CDH4: variants seen among roughly 807,000 people sequenced by gnomAD.
CDH4 encodes the protein cadherin-4.
A neutral mutation model predicts 86.0 loss-of-function variants in CDH4; 33 were observed. The ratio of observed to expected loss-of-function variants is 0.38; its 90% CI spans 0.29 to 0.51. CDH4 has a LOEUF of 0.51. Ranked by LOEUF, CDH4 falls within the 20% of genes least tolerant of loss-of-function variation. CDH4 has a pLI of 0.86. For synonymous variants in CDH4, 555 were observed against 549.4 expected, an observed-to-expected ratio of 1.01 and a Z score of -0.14; for missense variants, 1,114 against 1,307.4, an observed-to-expected ratio of 0.85 and a Z score of 2.28.
chr20:61,887,748 C>T (rs540263410), intron 7 of CDH4, among the ~76,000 whole-genome samples: 1 of 152,244 alleles, frequency 6.6e-6, no homozygotes, highest in Non-Finnish European at 1.5e-5. Flanking sequence ...ACATTCTTCT[C>T]CGCTTGGATC....
At chr20:61,654,637 G>A (rs191586526) in intron 2 of CDH4, among the ~76,000 whole-genome samples, 8 of 152,144 alleles carry the variant, frequency 5.3e-5, no homozygotes, top group Admixed American at 1.3e-4. Context: ...TCCGAGGTTC[G>A]TTTGGCATCA....
chr20:61,660,638 G>C (rs60763673), intron 2 of CDH4, among the ~76,000 whole-genome samples: 31,601 of 152,160 alleles, frequency 0.21, 4,325 homozygotes, highest in Non-Finnish European at 0.3. Context: ...CTGTGGGTTC[G>C]TGGATGTCAC....
intron 2 of CDH4, among the ~76,000 whole-genome samples, chr20:61,453,983 G>A (rs1458005552): frequency 1.3e-5 from 2 of 152,182 alleles, no homozygotes; most frequent in Non-Finnish European, 2.9e-5. Context: ...TTCCCCTTCT[G>A]CCATGGTTGT....
chr20:61,399,667 C>T (rs80051416), intron 2 of CDH4, among the ~76,000 whole-genome samples: 3,310 of 152,294 alleles, frequency 0.022, 121 homozygotes, highest in African/African-American at 0.074. Flanking sequence ...GCAAATTGGC[C>T]ACTCACGTCC....
At chr20:61,930,479 G>A (rs2055093560) in intron 13 of CDH4, among the ~76,000 whole-genome samples, 1 of 152,138 alleles carries the variant, frequency 6.6e-6, no homozygotes, top group Non-Finnish European at 1.5e-5. Context: ...ACCGTGGTCT[G>A]TGATACCCCA....
At chr20:61,341,548 T>C (rs368306289) in intron 2 of CDH4, among the ~76,000 whole-genome samples, 40 of 148,122 alleles carry the variant, frequency 2.7e-4, no homozygotes, top group African/African-American at 9.6e-4. Flanking sequence ...TTAGATGAAA[T>C]GGTGTTGAGA....
chr20:61,912,432 TCTC>T (rs904229819), intron 9 of CDH4, among the ~76,000 whole-genome samples: 18 of 152,328 alleles, frequency 1.2e-4, no homozygotes, highest in African/African-American at 4.1e-4. Context: ...GAAGACCAGT[TCTC>T]CTGAAAAATC....
intron 2 of CDH4, among the ~76,000 whole-genome samples, chr20:61,283,956 T>G (rs1202387364): frequency 6.6e-6 from 1 of 152,108 alleles, no homozygotes; most frequent in Non-Finnish European, 1.5e-5. Flanking sequence ...AGGTGTGAGG[T>G]GGCCCCAATC....
chr20:61,693,110 C>T (rs1463547224), intron 2 of CDH4, among the ~76,000 whole-genome samples: 1 of 152,206 alleles, frequency 6.6e-6, no homozygotes, highest in Non-Finnish European at 1.5e-5. Context: ...CTGGTCACAG[C>T]TCAGCCTGGT....
chr20:61,565,062 T>TTGGTGGTAGTGGTGGTGGTGGTGGTGG (rs1555808994), intron 2 of CDH4, among the ~76,000 whole-genome samples: 4 of 101,218 alleles, frequency 4.0e-5, no homozygotes, highest in Non-Finnish European at 5.9e-5. Context: ...GGTGGTGCTC[T>TTGGTGGTAGTGGTGGTGGTGGTGGTGG]TGGTGGTGGT....
At chr20:61,404,831 A>G (rs1433589710) in intron 2 of CDH4, among the ~76,000 whole-genome samples, 1 of 151,732 alleles carries the variant, frequency 6.6e-6, no homozygotes, top group East Asian at 1.9e-4. Flanking sequence ...CAGGTGAATC[A>G]TAAGGTCAGG....
At chr20:61,862,323 G>T (rs756410041) in intron 6 of CDH4, among the ~76,000 whole-genome samples, 2 of 152,172 alleles carry the variant, frequency 1.3e-5, no homozygotes, top group Non-Finnish European at 2.9e-5. Flanking sequence ...CTGACCCCGG[G>T]GGCAGCTCTC....
rs73313107 is a variant in CDH4, at chr20:61,269,802, G to A, written c.169+14865G>A. ...CCAACCCCAGGCTCCAGAGGCTCCC[G>A]GCGGGGAGACTGTCAGATAGCAACT... On this transcript the variant is annotated intron_variant, in intron 2 of 15. Transcript: ENST00000614565. The surrounding 1 kb of genome is among the most constrained non-coding windows in gnomAD (Gnocchi z 5.3). Among the ~76,000 whole-genome samples, 652 of 152,076 alleles carry A rather than the reference G, an allele frequency of 4.3e-3. 7 individuals carry two copies. The highest frequency in any genetic ancestry group is 0.014 in the African/African-American group (593 of 41,470).
intron 2 of CDH4, among the ~76,000 whole-genome samples, chr20:61,271,654 C>T (rs1192809515): frequency 6.6e-6 from 1 of 152,174 alleles, no homozygotes; most frequent in Non-Finnish European, 1.5e-5. Context: ...TACAGCGGTG[C>T]GTGAAGCCAC....
At chr20:61,931,829 C>T (rs1034483402) in intron 13 of CDH4, among the ~76,000 whole-genome samples, 1 of 152,068 alleles carries the variant, frequency 6.6e-6, no homozygotes, top group African/African-American at 2.4e-5. Context: ...GGAGAGGGTC[C>T]CTCCATCCAC....
At chr20:61,535,309 G>C (rs6061617) in intron 2 of CDH4, among the ~76,000 whole-genome samples, 1,796 of 152,338 alleles carry the variant, frequency 0.012, 30 homozygotes, top group African/African-American at 0.041. Context: ...GTCAGGTGCA[G>C]AGGTGCCCTG....
At chr20:61,569,377 T>G (rs763213478) in intron 2 of CDH4, among the ~76,000 whole-genome samples, 14 of 152,226 alleles carry the variant, frequency 9.2e-5, no homozygotes, top group Non-Finnish European at 2.1e-4. Context: ...CAAAGAAGTC[T>G]CTGATTTTCT....
At chr20:61,658,516 G>A (rs527899188) in intron 2 of CDH4, among the ~76,000 whole-genome samples, 10 of 152,290 alleles carry the variant, frequency 6.6e-5, no homozygotes, top group Non-Finnish European at 1.0e-4. Flanking sequence ...GTAGGACCCC[G>A]GGAGCCTGCC....
intron 2 of CDH4, among the ~76,000 whole-genome samples, chr20:61,735,202 C>T (rs896419299): frequency 6.6e-6 from 1 of 152,126 alleles, no homozygotes; most frequent in African/African-American, 2.4e-5. Flanking sequence ...GGTTGGGGCC[C>T]CGTGGGCACA....
Sources: gnomAD v4.1 joint callset for allele counts (sites outside exome capture counted in the v4.1 genomes callset) on GRCh38, gnomAD v4.1.1 for gene constraint, Gnocchi (gnomAD v3.1) non-coding constraint, MANE v1.5 for transcripts, NCBI Gene and HGNC (gene_info 2026-07-23, HGNC 2026-07-21) for gene names.